Variants in DOT1L observed in about 807,000 individuals in gnomAD.
The protein encoded by DOT1L is DOT1 like histone lysine methyltransferase, also known as histone-lysine N-methyltransferase, H3 lysine-79 specific.
A neutral mutation model predicts 153.3 loss-of-function variants in DOT1L; 33 were observed. The observed-to-expected ratio is 0.22, with a 90% CI of 0.16 to 0.29. DOT1L has a LOEUF of 0.29. DOT1L is among the 10% of genes least tolerant of loss of function. The pLI is 1.00. For synonymous variants in DOT1L, 1,135 were observed against 965.1 expected (o/e 1.18, Z -3.26); for missense variants, 1,847 against 2,119.9 (o/e 0.87, Z 2.53).
At position 2,188,480 on chromosome 19, in the gene DOT1L, G is replaced by GCCCCCCCCCCCC. The variant is rs375314788; in HGVS notation, c.201-1249_201-1238dup. ...GCGGAGGAAAGAGTCCCCAGCCGCC[G>GCCCCCCCCCCCC]CCCCCCCCCCCCCCACCCGCACAGG... On this transcript the variant is annotated intron_variant, in intron 3 of 27. Coordinates refer to ENST00000398665, the MANE Select transcript of DOT1L (RefSeq NM_032482.3). Among the ~76,000 whole-genome samples the GCCCCCCCCCCCC allele has an allele frequency of 1.3e-4, 9 of 66,998 alleles. 1 individual carries two copies. The highest frequency in any genetic ancestry group is 2.0e-4 in the Non-Finnish European group (7 of 35,024). 44.0% of individuals were successfully genotyped at this position (66,998 alleles called of 152,430 possible).
chr19:2,227,828 C>T (rs1419823711), intron 27 of DOT1L: 11 of 1,294,810 alleles, frequency 8.5e-6, no homozygotes, highest in Admixed American at 2.3e-5. Flanking sequence ...CCACACTGGG[C>T]CCGAGCCCGC....
At chr19:2,216,040 T>C (rs937498895) in intron 19 of DOT1L, 1 of 513,482 alleles carries the variant, frequency 1.9e-6, no homozygotes, top group African/African-American at 1.9e-5. Flanking sequence ...TATCTTCCTG[T>C]TGCTCTTTTT....
Position 2,190,071 on chromosome 19 carries a change from C to A in DOT1L, c.264+276C>A, listed in dbSNP as rs1250376909. On this transcript the variant is annotated intron_variant, in intron 4 of 27. Coordinates refer to ENST00000398665, the MANE Select transcript of DOT1L (RefSeq NM_032482.3). The surrounding 1 kb of genome is among the most constrained non-coding windows in gnomAD (Gnocchi z 4.8). ...GTGGTGTCTGCACACGCCTCTGCAGCCCTGGGTTGGTGTCCGCAGGTCCCA... is the reference window on the plus strand; with the variant it reads ...GTGGTGTCTGCACACGCCTCTGCAGACCTGGGTTGGTGTCCGCAGGTCCCA... Among the ~76,000 whole-genome samples the A allele has an allele frequency of 1.3e-5, 2 of 152,170 alleles. No homozygotes were observed. Among genetic ancestry groups the A allele is most frequent in the Admixed American group, 1.3e-4 (2 of 15,278 alleles).
At chr19:2,171,420 CAG>C (rs1233376487) in intron 1 of DOT1L, among the ~76,000 whole-genome samples, 2 of 152,178 alleles carry the variant, frequency 1.3e-5, no homozygotes, top group Non-Finnish European at 2.9e-5. Context: ...CAGCAGTTCT[CAG>C]GGGTGGAGGT....
chr19:2,186,288 C>T (rs1191345021), intron 3 of DOT1L, among the ~76,000 whole-genome samples: 1 of 152,190 alleles, frequency 6.6e-6, no homozygotes, highest in Non-Finnish European at 1.5e-5. Flanking sequence ...GGCTGCTTGG[C>T]AGCTCTGTTT....
chr19:2,167,455 A>T (rs1030243729), intron 1 of DOT1L, among the ~76,000 whole-genome samples: 1 of 152,156 alleles, frequency 6.6e-6, no homozygotes, highest in Admixed American at 6.5e-5. Context: ...TAAGGGCGAG[A>T]GCTGGCGGGA....
At chr19:2,214,441 G>T in intron 18 of DOT1L, 30 bp from the exon 19 acceptor site, 1 of 1,607,606 alleles carries the variant, frequency 6.2e-7, no homozygotes, top group Non-Finnish European at 8.5e-7. Context: ...CAGCCAGCCA[G>T]TCGCAACTGT....
Position 2,207,611 on chromosome 19 carries a change from C to G in DOT1L, c.894C>G (p.Pro298=). Residue 298 remains proline (P), a synonymous_variant, in exon 11 of 28, where the codon CCC becomes CCG. Transcript: ENST00000398665. The surrounding 1 kb of genome is among the most constrained non-coding windows in gnomAD (Gnocchi z 4.5). Reference sequence around the variant, plus strand: ...TCATGCGCGTGGTGGAGCTCTCGCCCCTGAAGGGCTCGGTGTCGTGGACGG... The same window carrying G: ...TCATGCGCGTGGTGGAGCTCTCGCCGCTGAAGGGCTCGGTGTCGTGGACGG... The part of the protein sequence containing the change: ...GTIMRVVELS[P]LKGSVSWTGK... 6.2e-7 allele frequency: 1 copy of G among 1,612,634 alleles called. No individual in the cohort carries two copies. Among genetic ancestry groups the G allele is most frequent in the East Asian group, 2.2e-5 (1 of 44,882 alleles).
At chr19:2,225,086 T>C (rs928818913) in intron 25 of DOT1L, among the ~76,000 whole-genome samples, 1 of 152,192 alleles carries the variant, frequency 6.6e-6, no homozygotes, top group African/African-American at 2.4e-5. Context: ...TTCTCACACT[T>C]CTGTGTGCTG....
At chr19:2,171,847 C>CA (rs1457545313) in intron 1 of DOT1L, among the ~76,000 whole-genome samples, 3 of 152,190 alleles carry the variant, frequency 2.0e-5, no homozygotes, top group African/African-American at 7.2e-5. Flanking sequence ...TCTGGAGACA[C>CA]AGATTCAAGT....
In DOT1L at chr19:2,190,104, C is replaced by T. The variant is rs1167438618; in HGVS notation, c.264+309C>T. On this transcript the variant is annotated intron_variant, in intron 4 of 27. Transcript: ENST00000398665. The surrounding 1 kb of genome is among the most constrained non-coding windows in gnomAD (Gnocchi z 4.8). ...TGGTGTCCGCAGGTCCCAGCAGAGG[C>T]GGGGTCCCTGTCCTCCCCGGGCTGT... Among the ~76,000 whole-genome samples the T allele has an allele frequency of 1.3e-5, 2 of 152,144 alleles. No individual in the cohort carries two copies. Among genetic ancestry groups the T allele is most frequent in the African/African-American group, 4.8e-5 (2 of 41,420 alleles).
At chr19:2,192,711 G>T (rs2022850237) in intron 5 of DOT1L, among the ~76,000 whole-genome samples, 1 of 151,662 alleles carries the variant, frequency 6.6e-6, no homozygotes, top group Non-Finnish European at 1.5e-5. Flanking sequence ...ATCTGGCTGG[G>T]CTCTTTGGCT....
At position 2,230,351 on chromosome 19, in the gene DOT1L, G is replaced by T. The variant is rs1056015235; in HGVS notation, c.*559G>T. The T allele has an allele frequency of 9.7e-6, 4 of 411,864 alleles. No individual in the cohort carries two copies. The highest frequency in any genetic ancestry group is 1.7e-5 in the Non-Finnish European group (4 of 234,664). The allele number at this position is 411,864 out of a possible 1,614,324, so 25.5% of individuals were successfully genotyped here. On this transcript the variant is annotated 3_prime_UTR_variant, in exon 28 of 28. Coordinates refer to ENST00000398665, the MANE Select transcript of DOT1L (RefSeq NM_032482.3). ...CCGCGGCCTGAGCCCCTTCCTGAGCGCCCTGGCGCCTGCCCTGAGCTCTTC... is the reference window on the plus strand; with the variant it reads ...CCGCGGCCTGAGCCCCTTCCTGAGCTCCCTGGCGCCTGCCCTGAGCTCTTC...
At chr19:2,213,675 G>C in intron 17 of DOT1L, 35 bp downstream of exon 17, 2 of 1,611,444 alleles carry the variant, frequency 1.2e-6, no homozygotes, top group Non-Finnish European at 1.7e-6. Flanking sequence ...GCAGGTGGCA[G>C]CTGGGGCGCA....
At chr19:2,218,610 G>A (rs979073047) in intron 22 of DOT1L, among the ~76,000 whole-genome samples, 3 of 152,026 alleles carry the variant, frequency 2.0e-5, no homozygotes, top group Admixed American at 6.6e-5. Context: ...AGCCAGGATG[G>A]TCTTGATCTC....
chr19:2,228,253 C>T (rs776007786), intron 27 of DOT1L: 2 of 1,362,154 alleles, frequency 1.5e-6, no homozygotes, highest in South Asian at 1.1e-5. Flanking sequence ...CCCGGGATCC[C>T]ACAGGCCAGC....
rs1010810876 is a variant in DOT1L, at chr19:2,220,759, C to T, written c.2806+537C>T. ...GGAAGCCGCAGAGACAGCATGTCAG[C>T]GGGCATGGCTGTGTGCCAGCAAAAC... On this transcript the variant is annotated intron_variant, in intron 23 of 27. Transcript: ENST00000398665. The surrounding 1 kb of genome is among the most constrained non-coding windows in gnomAD (Gnocchi z 4.5). The T allele has an allele frequency of 1.7e-5, 6 of 348,044 alleles. No individual in the cohort carries two copies. The highest frequency in any genetic ancestry group is 1.1e-4 in the Admixed American group (3 of 26,094). 21.6% of individuals were successfully genotyped at this position (348,044 alleles called of 1,614,324 possible). A position where few individuals can be genotyped will look rare whatever the true frequency, so the allele number is the denominator to read the frequency against.
chr19:2,185,273 C>T (rs1019629643), intron 2 of DOT1L, among the ~76,000 whole-genome samples: 1 of 152,182 alleles, frequency 6.6e-6, no homozygotes, highest in Admixed American at 6.5e-5. Flanking sequence ...GTCCCTAGAC[C>T]AGCCCTGTAG....
At chr19:2,214,664 T>A in intron 19 of DOT1L, 68 bp downstream of exon 19, 7 of 1,579,286 alleles carry the variant, frequency 4.4e-6, no homozygotes, top group Non-Finnish European at 6.0e-6. Context: ...TGTGACGTCG[T>A]TGAGCCTAGG....
Sources: gnomAD v4.1 joint callset for allele counts (sites outside exome capture counted in the v4.1 genomes callset) on GRCh38, gnomAD v4.1.1 for gene constraint, Gnocchi (gnomAD v3.1) non-coding constraint, MANE v1.5 for transcripts, NCBI Gene and HGNC (gene_info 2026-07-23, HGNC 2026-07-21) for gene names.